Variants in AGBL4 observed in about 807,000 individuals in gnomAD.
AGBL4 encodes the protein AGBL carboxypeptidase 4.
Under a neutral mutation model 66.4 loss-of-function variants are expected in AGBL4, and 58 were observed. The observed-to-expected ratio is 0.87, with a 90% CI of 0.71 to 1.09. AGBL4 has a LOEUF of 1.09. AGBL4 is among the 50% of genes least tolerant of loss of function. The pLI is 0.00. For synonymous variants in AGBL4, 234 were observed against 222.9 expected (o/e 1.05, Z -0.44); for missense variants, 579 against 631.0 (o/e 0.92, Z 0.88).
chr1:49,769,978 C>G (rs557889964), intron 2 of AGBL4, among the ~76,000 whole-genome samples: 23 of 152,258 alleles, frequency 1.5e-4, no homozygotes, highest in Admixed American at 7.2e-4. Context: ...CCTAATTAAA[C>G]TAAAGAGCTT....
intron 3 of AGBL4, among the ~76,000 whole-genome samples, chr1:49,555,295 A>T (rs1380455073): frequency 6.7e-6 from 1 of 149,694 alleles, no homozygotes; most frequent in Admixed American, 6.7e-5. Flanking sequence ...TCCCCACTAG[A>T]TTAGCTAGAC....
intron 3 of AGBL4, among the ~76,000 whole-genome samples, chr1:49,548,274 C>T (rs565621037): frequency 2.0e-5 from 3 of 152,238 alleles, no homozygotes; most frequent in African/African-American, 7.2e-5. Context: ...TTCCTCTTTA[C>T]TGATTTGGAT....
chr1:49,329,870 T>C (rs1055973602), intron 3 of AGBL4, among the ~76,000 whole-genome samples: 1 of 152,154 alleles, frequency 6.6e-6, no homozygotes, highest in African/African-American at 2.4e-5. Context: ...CTACATAATA[T>C]CACAAGGTCT....
At chr1:48,958,412 T>C (rs1247134273) in intron 5 of AGBL4, among the ~76,000 whole-genome samples, 2 of 152,234 alleles carry the variant, frequency 1.3e-5, no homozygotes, top group Admixed American at 6.5e-5. Context: ...AGGGACTACA[T>C]TGTCCAGTCC....
At chr1:48,887,704 G>A (rs4244634) in intron 5 of AGBL4, among the ~76,000 whole-genome samples, 74,744 of 151,956 alleles carry the variant, frequency 0.49, 21,830 homozygotes, top group Non-Finnish European at 0.67. Flanking sequence ...TTCAAGATCC[G>A]AGCAAGCAGG....
chr1:48,818,920 A>C (rs1302846044), intron 6 of AGBL4, among the ~76,000 whole-genome samples: 2 of 152,172 alleles, frequency 1.3e-5, no homozygotes, highest in Non-Finnish European at 2.9e-5. Flanking sequence ...CCACAAAGTC[A>C]CTATATTCCA....
At chr1:48,925,176 A>G (rs531097587) in intron 5 of AGBL4, among the ~76,000 whole-genome samples, 16 of 147,988 alleles carry the variant, frequency 1.1e-4, no homozygotes, top group South Asian at 6.4e-4. Context: ...ACACACACAT[A>G]TGTGTGTGTG....
At chr1:49,186,509 A>G (rs1647019350) in intron 4 of AGBL4, among the ~76,000 whole-genome samples, 1 of 152,182 alleles carries the variant, frequency 6.6e-6, no homozygotes, top group African/African-American at 2.4e-5. Context: ...CACCTGTAAA[A>G]TGGTGATAAT....
intron 11 of AGBL4, among the ~76,000 whole-genome samples, chr1:48,578,066 A>G (rs535728158): frequency 2.7e-4 from 41 of 152,190 alleles, no homozygotes; most frequent in African/African-American, 9.4e-4. Flanking sequence ...TGTGAAATGG[A>G]GATACTATCT....
intron 5 of AGBL4, among the ~76,000 whole-genome samples, chr1:48,960,982 T>C (rs1003915883): frequency 2.6e-5 from 4 of 152,218 alleles, no homozygotes; most frequent in Admixed American, 6.5e-5. Flanking sequence ...AGCACACTCA[T>C]TGACACCAGC....
intron 4 of AGBL4, among the ~76,000 whole-genome samples, chr1:49,110,055 A>T (rs546033299): frequency 1.3e-4 from 20 of 152,330 alleles, no homozygotes; most frequent in Admixed American, 1.2e-3. Flanking sequence ...CAACTTTCAA[A>T]CTAATTTGCA....
intron 4 of AGBL4, among the ~76,000 whole-genome samples, chr1:49,240,245 G>C (rs1007872648): frequency 6.6e-6 from 1 of 152,066 alleles, no homozygotes; most frequent in Non-Finnish European, 1.5e-5. Context: ...TTTACTTGCT[G>C]TCTATCCCAT....
chr1:48,921,795 C>T (rs1044200753), intron 5 of AGBL4, among the ~76,000 whole-genome samples: 2 of 152,220 alleles, frequency 1.3e-5, no homozygotes, highest in African/African-American at 4.8e-5. Context: ...AAACTCAGAT[C>T]CGTCTGGCTT....
At chr1:48,770,195 G>T (rs956801553) in intron 6 of AGBL4, among the ~76,000 whole-genome samples, 5 of 152,158 alleles carry the variant, frequency 3.3e-5, no homozygotes, top group African/African-American at 1.2e-4. Flanking sequence ...GCAAAACTGA[G>T]AAAATGAAAA....
intron 6 of AGBL4, chr1:48,759,459 T>C (rs1644138053): frequency 2.5e-6 from 3 of 1,203,312 alleles, no homozygotes; most frequent in Non-Finnish European, 3.3e-6. Context: ...GGAAACATTT[T>C]ATAAATTTTA....
rs181668491 is a variant in AGBL4, at chr1:48,736,890, C to T, written c.635-73649G>A. On this transcript the variant is annotated intron_variant, in intron 6 of 13. Transcript: ENST00000371839. This position sits in a 1 kb window ranked among gnomAD's most constrained non-coding sequence, Gnocchi z 4.0. ...CTTTCTGTGTTACACTATGGAAAGA[C>T]CCACCTTCCTTTAATGTGAACATTC... Among the ~76,000 whole-genome samples, 205 of 152,272 alleles carry T rather than the reference C, an allele frequency of 1.3e-3. No individual in the cohort carries two copies. The highest frequency in any genetic ancestry group is 1.5e-3 in the Admixed American group (23 of 15,302).
At chr1:49,769,633 C>A (rs1472608383) in intron 2 of AGBL4, among the ~76,000 whole-genome samples, 1 of 152,050 alleles carries the variant, frequency 6.6e-6, no homozygotes, top group Non-Finnish European at 1.5e-5. Context: ...ACCAATGGAA[C>A]AGAATAGAGA....
chr1:49,562,590 G>C (rs536664933), intron 3 of AGBL4, among the ~76,000 whole-genome samples: 33 of 152,098 alleles, frequency 2.2e-4, no homozygotes, highest in Admixed American at 8.5e-4. Context: ...GCTTGTTTTT[G>C]TCAGGTTTGT....
At chr1:49,357,686 C>T (rs1570513249) in intron 3 of AGBL4, among the ~76,000 whole-genome samples, 1 of 152,232 alleles carries the variant, frequency 6.6e-6, no homozygotes, top group East Asian at 1.9e-4. Context: ...ACTGAGGTCA[C>T]ATAACCAATA....
Sources: allele counts gnomAD v4.1 joint callset (sites outside exome capture counted in the v4.1 genomes callset), GRCh38; gene constraint gnomAD v4.1.1; non-coding constraint Gnocchi (gnomAD v3.1); transcripts MANE v1.5; gene names NCBI Gene and HGNC (gene_info 2026-07-23, HGNC 2026-07-21).